Variants in CNOT6 observed in about 807,000 individuals in gnomAD.
The protein encoded by CNOT6 is CCR4-NOT transcription complex subunit 6, also known as carbon catabolite repression 4 protein.
Under a neutral mutation model 61.2 loss-of-function variants are expected in CNOT6, and 12 were observed. The ratio of observed to expected loss-of-function variants is 0.20; its 90% CI spans 0.13 to 0.32. The LOEUF (loss-of-function observed/expected upper bound fraction) is 0.32. Among genes scored for constraint, CNOT6 ranks in the 10% least tolerant of loss-of-function variants. The pLI is 1.00. For synonymous variants in CNOT6, 225 were observed against 240.6 expected, an observed-to-expected ratio of 0.94 and a Z score of 0.60; for missense variants, 405 against 663.9, an observed-to-expected ratio of 0.61 and a Z score of 4.28.
intron 7 of CNOT6, among the ~76,000 whole-genome samples, chr5:180,566,776 C>T (rs532083618): frequency 2.0e-5 from 3 of 151,456 alleles, no homozygotes; most frequent in South Asian, 4.2e-4. Context: ...TCTCAGCCTC[C>T]GTAGTAGCTG....
intron 2 of CNOT6, among the ~76,000 whole-genome samples, chr5:180,532,112 T>C (rs1056692733): frequency 2.0e-5 from 3 of 152,248 alleles, no homozygotes; most frequent in Admixed American, 2.0e-4. Context: ...CAGATTTGGC[T>C]TTCTGTGCCA....
At chr5:180,564,402 G>A (rs1456332748) in intron 4 of CNOT6, 87 bp from the exon 5 acceptor site, 5 of 863,626 alleles carry the variant, frequency 5.8e-6, no homozygotes, top group Non-Finnish European at 7.6e-6. Flanking sequence ...ACATAGTTAT[G>A]GATGATCTGA....
chr5:180,549,739 CTAAG>C (rs1276762400), intron 2 of CNOT6, among the ~76,000 whole-genome samples, 188 bp from the exon 3 acceptor site: 2 of 152,066 alleles, frequency 1.3e-5, no homozygotes, highest in East Asian at 3.8e-4. Flanking sequence ...TTTTAACCTG[CTAAG>C]TGAGGAGCTT....
At chr5:180,542,716 A>T (rs1759107503) in intron 2 of CNOT6, among the ~76,000 whole-genome samples, 1 of 152,226 alleles carries the variant, frequency 6.6e-6, no homozygotes, top group African/African-American at 2.4e-5. Context: ...AGCATTTAGC[A>T]ATAAAGGATC....
intron 1 of CNOT6, among the ~76,000 whole-genome samples, chr5:180,523,323 G>A (rs1757957326): frequency 6.6e-6 from 1 of 152,118 alleles, no homozygotes; most frequent in East Asian, 1.9e-4. Flanking sequence ...TACTGGGGTG[G>A]GGCAGGGGGT....
chr5:180,539,735 A>C (rs1384045697), intron 2 of CNOT6, among the ~76,000 whole-genome samples: 2 of 150,392 alleles, frequency 1.3e-5, no homozygotes, highest in Non-Finnish European at 3.0e-5. Flanking sequence ...GACTACAGGC[A>C]CCCGCCACCA....
chr5:180,546,962 G>A (rs543071189), intron 2 of CNOT6, among the ~76,000 whole-genome samples: 6 of 152,212 alleles, frequency 3.9e-5, no homozygotes, highest in African/African-American at 1.2e-4. Flanking sequence ...TTCATTTATG[G>A]TTCATACATA....
chr5:180,545,953 C>T (rs1759293079), intron 2 of CNOT6, among the ~76,000 whole-genome samples: 1 of 152,152 alleles, frequency 6.6e-6, no homozygotes, highest in Admixed American at 6.5e-5. Context: ...TATTTGCCAT[C>T]TGTTTATATC....
chr5:180,500,098 T>C (rs993040567), intron 1 of CNOT6, among the ~76,000 whole-genome samples: 2 of 115,650 alleles, frequency 1.7e-5, no homozygotes, highest in African/African-American at 5.4e-5. Context: ...TTTTCTTTTC[T>C]TTTTTTTTCC....
At chr5:180,510,180 G>A (rs1051529785) in intron 1 of CNOT6, among the ~76,000 whole-genome samples, 1 of 63,954 alleles carries the variant, frequency 1.6e-5, no homozygotes, top group Non-Finnish European at 3.0e-5. Flanking sequence ...AAGAGATGGT[G>A]TTTTTCTGTG....
At chr5:180,558,516 AAAAAAC>A (rs1362298654) in intron 4 of CNOT6, among the ~76,000 whole-genome samples, 2 of 151,176 alleles carry the variant, frequency 1.3e-5, no homozygotes, top group Non-Finnish European at 2.9e-5. Flanking sequence ...ACCTTAAAAA[AAAAAAC>A]AAAAAACCTG....
chr5:180,554,766 G>C (rs1221598149), intron 4 of CNOT6, among the ~76,000 whole-genome samples: 1 of 152,092 alleles, frequency 6.6e-6, no homozygotes, highest in Admixed American at 6.6e-5. Context: ...CTGACTGCCA[G>C]AATTAACAGT....
intron 11 of CNOT6, among the ~76,000 whole-genome samples, chr5:180,573,113 G>T (rs1047603471): frequency 1.3e-5 from 2 of 152,190 alleles, no homozygotes; most frequent in Non-Finnish European, 2.9e-5. Flanking sequence ...GCCACAGAGT[G>T]GGAATGCTTA....
intron 1 of CNOT6, among the ~76,000 whole-genome samples, chr5:180,518,457 A>G (rs1045423949): frequency 1.3e-5 from 2 of 152,018 alleles, no homozygotes; most frequent in African/African-American, 4.8e-5. Context: ...AAATTAAATC[A>G]CAAGTCTATA....
rs1198583023 is a variant in CNOT6 at position 180,575,130 on chromosome 5, C to G, written c.*930C>G. The G allele has an allele frequency of 1.3e-5, 2 of 152,662 alleles. No homozygotes were observed. Among genetic ancestry groups the G allele is most frequent in the Non-Finnish European group, 2.9e-5 (2 of 68,046 alleles). The allele number at this position is 152,662 out of a possible 1,614,324, so 9.5% of individuals were successfully genotyped here. ...CTTTTTGAGACACTTCCTGTCCTAT[C>G]TCCACTGTGCCTGCCTAAATTTGTT... On this transcript the variant is annotated 3_prime_UTR_variant, in exon 12 of 12. Coordinates refer to ENST00000261951, the MANE Select transcript of CNOT6 (RefSeq NM_001370472.1).
intron 3 of CNOT6, among the ~76,000 whole-genome samples, chr5:180,553,073 G>A (rs188407062): frequency 5.9e-5 from 9 of 152,292 alleles, no homozygotes; most frequent in Admixed American, 1.3e-4. Flanking sequence ...TGTCTTGCCA[G>A]TCTGCAGTGA....
At chr5:180,512,570 A>G (rs1276100055) in intron 1 of CNOT6, among the ~76,000 whole-genome samples, 1 of 152,214 alleles carries the variant, frequency 6.6e-6, no homozygotes, top group African/African-American at 2.4e-5. Flanking sequence ...ATTACAGCTA[A>G]ACATTCAAAT....
chr5:180,507,054 T>C (rs1351082040), intron 1 of CNOT6, among the ~76,000 whole-genome samples: 4 of 152,050 alleles, frequency 2.6e-5, no homozygotes, highest in Non-Finnish European at 4.4e-5. Context: ...TGGAGGAAGG[T>C]TGTAATGCAT....
At chr5:180,495,760 G>T (rs2127684340) in intron 1 of CNOT6, 1 of 152,328 alleles carries the variant, frequency 6.6e-6, no homozygotes, top group Non-Finnish European at 1.5e-5. Flanking sequence ...AAAATGGTGT[G>T]TAGTAGCACT....
Sources: gnomAD v4.1 joint callset for allele counts (sites outside exome capture counted in the v4.1 genomes callset) on GRCh38, gnomAD v4.1.1 for gene constraint, MANE v1.5 for transcripts, NCBI Gene and HGNC (gene_info 2026-07-23, HGNC 2026-07-21) for gene names.